CCSER1: variants seen among roughly 807,000 people sequenced by gnomAD.
CCSER1 encodes coiled-coil serine rich protein 1.
A neutral mutation model predicts 82.0 loss-of-function variants in CCSER1; 41 were observed. The ratio of observed to expected loss-of-function variants is 0.50; its 90% CI spans 0.39 to 0.65. The LOEUF is 0.65. Among genes scored for constraint, CCSER1 ranks in the 30% least tolerant of loss-of-function variants. The pLI is 0.00. For missense variants in CCSER1, 1,119 were observed against 1,064.2 expected (o/e 1.05, Z -0.72); for synonymous variants, 414 against 383.9 (o/e 1.08, Z -0.92).
intron 5 of CCSER1, among the ~76,000 whole-genome samples, chr4:90,485,790 A>T (rs1203631873): frequency 6.6e-6 from 1 of 152,100 alleles, no homozygotes; most frequent in Admixed American, 6.5e-5. Context: ...TAAGGGAGAA[A>T]ATACAGTATG....
intron 7 of CCSER1, among the ~76,000 whole-genome samples, chr4:90,802,095 G>T (rs150833285): frequency 5.3e-5 from 8 of 151,878 alleles, no homozygotes; most frequent in African/African-American, 1.9e-4. Flanking sequence ...GTGGGTGCCT[G>T]TAGTCTCAGC....
At chr4:90,222,918 A>G (rs1042845418) in intron 1 of CCSER1, among the ~76,000 whole-genome samples, 2 of 152,290 alleles carry the variant, frequency 1.3e-5, no homozygotes, top group Non-Finnish European at 1.5e-5. Context: ...TATTTACTCA[A>G]TCCACCAAAC....
At chr4:91,440,389 C>G (rs1755036151) in intron 10 of CCSER1, among the ~76,000 whole-genome samples, 1 of 152,124 alleles carries the variant, frequency 6.6e-6, no homozygotes, top group South Asian at 2.1e-4. Context: ...GAAATGAAGG[C>G]AGAAATAAAG....
At chr4:90,534,511 T>TA (rs1402551091) in intron 5 of CCSER1, among the ~76,000 whole-genome samples, 1 of 149,352 alleles carries the variant, frequency 6.7e-6, no homozygotes, top group African/African-American at 2.5e-5. Context: ...TTCTCTATAT[T>TA]AAAAACTTTA....
At chr4:91,582,285 C>T (rs887692895) in intron 10 of CCSER1, among the ~76,000 whole-genome samples, 4 of 151,558 alleles carry the variant, frequency 2.6e-5, no homozygotes, top group African/African-American at 9.7e-5. Flanking sequence ...CCATTCTGGA[C>T]ATTCAAATCT....
intron 3 of CCSER1, among the ~76,000 whole-genome samples, chr4:90,366,762 A>G (rs544014719): frequency 2.2e-4 from 34 of 152,008 alleles, no homozygotes; most frequent in African/African-American, 7.5e-4. Flanking sequence ...ACAGTTCAGG[A>G]GATTTCATTA....
intron 1 of CCSER1, among the ~76,000 whole-genome samples, chr4:90,236,157 G>A (rs1381276906): frequency 1.3e-5 from 2 of 152,100 alleles, no homozygotes; most frequent in Non-Finnish European, 2.9e-5. Flanking sequence ...TTGAACTCTT[G>A]AGCTCAAGCA....
chr4:91,416,529 G>A (rs1753372874), intron 10 of CCSER1, among the ~76,000 whole-genome samples: 1 of 152,052 alleles, frequency 6.6e-6, no homozygotes, highest in Admixed American at 6.6e-5. Flanking sequence ...TAACAGAATA[G>A]AGAAAACAGA....
At chr4:90,437,694 G>C (rs1398248424) in intron 4 of CCSER1, among the ~76,000 whole-genome samples, 5 of 152,148 alleles carry the variant, frequency 3.3e-5, no homozygotes, top group Non-Finnish European at 7.3e-5. Context: ...CCAGAACACT[G>C]AGGCAAGCAA....
intron 5 of CCSER1, among the ~76,000 whole-genome samples, chr4:90,582,179 C>T (rs1406664924): frequency 3.3e-5 from 5 of 151,928 alleles, no homozygotes; most frequent in East Asian, 1.9e-4. Flanking sequence ...ATATTGTTAG[C>T]GTAAACTATC....
intron 1 of CCSER1, among the ~76,000 whole-genome samples, chr4:90,290,326 A>G (rs951151516): frequency 4.0e-5 from 6 of 151,880 alleles, no homozygotes. Flanking sequence ...ATTTATATAT[A>G]GTGTATACTA....
intron 10 of CCSER1, among the ~76,000 whole-genome samples, chr4:91,325,841 T>G (rs925986867): frequency 1.3e-5 from 2 of 152,196 alleles, no homozygotes; most frequent in Admixed American, 6.5e-5. Context: ...TATTTATAAC[T>G]TACACTGGTA....
chr4:90,295,431 T>C (rs1446358208), intron 1 of CCSER1, among the ~76,000 whole-genome samples: 2 of 152,066 alleles, frequency 1.3e-5, no homozygotes, highest in African/African-American at 4.8e-5. Flanking sequence ...TGATTAGTGA[T>C]TTATATTTCC....
chr4:90,524,649 A>G (rs1472381791), intron 5 of CCSER1, among the ~76,000 whole-genome samples: 1 of 152,016 alleles, frequency 6.6e-6, no homozygotes, highest in Non-Finnish European at 1.5e-5. Context: ...TTGTATTTTT[A>G]GTAGAGACAG....
intron 3 of CCSER1, among the ~76,000 whole-genome samples, chr4:90,335,261 T>G (rs1157000526): frequency 6.6e-6 from 1 of 152,240 alleles, no homozygotes; most frequent in Non-Finnish European, 1.5e-5. Context: ...TCATATAGGC[T>G]TCTTCATTGA....
At chr4:91,467,559 C>T (rs1191282580) in intron 10 of CCSER1, among the ~76,000 whole-genome samples, 2 of 152,108 alleles carry the variant, frequency 1.3e-5, no homozygotes, top group South Asian at 2.1e-4. Flanking sequence ...TCAGAGTGAA[C>T]AGGCAACCTA....
rs539881124 is a variant in CCSER1, at chr4:90,226,962, A to G, written c.-41-81282A>G. On this transcript the variant is annotated intron_variant, in intron 1 of 10. Coordinates refer to ENST00000509176, the MANE Select transcript of CCSER1 (RefSeq NM_001145065.2). ...TTTTTGGCAGAGTGCCACATGGGTTAGTCAAGACAGTGTGGAATTTTTATT... is the reference window on the plus strand; with the variant it reads ...TTTTTGGCAGAGTGCCACATGGGTTGGTCAAGACAGTGTGGAATTTTTATT... Among the ~76,000 whole-genome samples, 4 of 152,376 alleles carry G rather than the reference A, an allele frequency of 2.6e-5. No individual in the cohort carries two copies. The South Asian group carries it at 8.3e-4, about 32-fold the overall frequency.
chr4:91,172,240 A>G (rs1200949602), intron 10 of CCSER1, among the ~76,000 whole-genome samples: 2 of 152,178 alleles, frequency 1.3e-5, no homozygotes, highest in Non-Finnish European at 2.9e-5. Context: ...TTAAAGTGTC[A>G]AAATAAACTG....
chr4:91,044,792 G>T (rs1236674209), intron 9 of CCSER1, among the ~76,000 whole-genome samples: 1 of 152,110 alleles, frequency 6.6e-6, no homozygotes, highest in East Asian at 1.9e-4. Flanking sequence ...AAGCACCTGA[G>T]ACATAATAAG....
Sources: allele counts gnomAD v4.1 joint callset (sites outside exome capture counted in the v4.1 genomes callset), GRCh38; gene constraint gnomAD v4.1.1; transcripts MANE v1.5; gene names NCBI Gene and HGNC (gene_info 2026-07-23, HGNC 2026-07-21).